The following HAPSTR1 variants were observed in gnomAD, a reference collection of about 807,000 sequenced individuals.
HAPSTR1 encodes the protein HUWE1-associated protein modifying stress responses 1.
chr16:9,100,047 C>T, the HAPSTR1 span, among the ~76,000 whole-genome samples: 2 of 152,098 alleles, frequency 1.3e-5, no homozygotes, highest in African/African-American at 4.8e-5. Flanking sequence ...CATTATGCCC[C>T]GGTGGAGCAA....
At chr16:9,107,525 G>T in the HAPSTR1 span, 2 of 152,224 alleles carry the variant, frequency 1.3e-5, no homozygotes, top group African/African-American at 4.8e-5. Flanking sequence ...CATCTTTCAT[G>T]AGACCATTGG....
the HAPSTR1 span, among the ~76,000 whole-genome samples, chr16:9,094,001 A>G: frequency 6.6e-6 from 1 of 152,228 alleles, no homozygotes; most frequent in Non-Finnish European, 1.5e-5. Flanking sequence ...TGCCATATAT[A>G]TTTAGGCCAT....
the HAPSTR1 span, chr16:9,104,019 A>G: frequency 2.0e-5 from 3 of 152,190 alleles, no homozygotes; most frequent in Non-Finnish European, 4.4e-5. Context: ...AAAAAAAGCA[A>G]CAGAATAATA....
At chr16:9,092,990 A>G in the HAPSTR1 span, 72 of 1,609,960 alleles carry the variant, frequency 4.5e-5, no homozygotes, top group Middle Eastern at 1.7e-4. Flanking sequence ...GCCGTCACCA[A>G]TCTCTACAAA....
the HAPSTR1 span, chr16:9,091,955 C>T: frequency 2.6e-6 from 3 of 1,165,464 alleles, no homozygotes; most frequent in East Asian, 3.2e-5. Flanking sequence ...GGCCCTGCCG[C>T]CGGGCCGCTT....
the HAPSTR1 span, chr16:9,117,063 A>C: frequency 5.4e-6 from 6 of 1,117,136 alleles, no homozygotes; most frequent in Non-Finnish European, 7.5e-6. Context: ...AGGAAGTTCT[A>C]GGTATTTATA....
the HAPSTR1 span, among the ~76,000 whole-genome samples, chr16:9,094,110 A>G: frequency 4.6e-5 from 7 of 152,182 alleles, no homozygotes; most frequent in Non-Finnish European, 8.8e-5. Context: ...GTAGGAAAAA[A>G]TATCTCCTTG....
chr16:9,117,843 C>T, the HAPSTR1 span: 1 of 152,448 alleles, frequency 6.6e-6, no homozygotes, highest in Non-Finnish European at 1.5e-5. Context: ...TCATGGAGTC[C>T]CTGCTTAGTG....
the HAPSTR1 span, among the ~76,000 whole-genome samples, chr16:9,092,524 C>G: frequency 6.6e-6 from 1 of 152,168 alleles, no homozygotes; most frequent in Admixed American, 6.5e-5. Flanking sequence ...TCCCCGCTCT[C>G]CGGGCCCGGC....
At chr16:9,104,646 C>G in the HAPSTR1 span, 29 of 152,130 alleles carry the variant, frequency 1.9e-4, no homozygotes, top group African/African-American at 6.8e-4. Context: ...ACATGAATTG[C>G]AGGAAAGTTC....
At chr16:9,098,330 T>TCACA in the HAPSTR1 span, among the ~76,000 whole-genome samples, 1 of 151,948 alleles carries the variant, frequency 6.6e-6, no homozygotes, top group East Asian at 1.9e-4. Flanking sequence ...CGAAAATCCA[T>TCACA]CACACACACA....
chr16:9,108,386 A>G, the HAPSTR1 span: 1 of 152,112 alleles, frequency 6.6e-6, no homozygotes, highest in African/African-American at 2.4e-5. Flanking sequence ...GAGTTTCGCC[A>G]TGTTGTCCAG....
chr16:9,094,421 A>T, the HAPSTR1 span, among the ~76,000 whole-genome samples: 19 of 152,088 alleles, frequency 1.2e-4, no homozygotes, highest in East Asian at 5.8e-4. Flanking sequence ...ATACTTAATT[A>T]AAAAAAAGGT....
At chr16:9,095,970 C>T in the HAPSTR1 span, among the ~76,000 whole-genome samples, 1 of 150,438 alleles carries the variant, frequency 6.6e-6, no homozygotes, top group East Asian at 1.9e-4. Context: ...TTTTTTGATT[C>T]CTGGAACTAA....
At chr16:9,100,188 ATC>A in the HAPSTR1 span, among the ~76,000 whole-genome samples, 5 of 152,214 alleles carry the variant, frequency 3.3e-5, no homozygotes, top group East Asian at 7.7e-4. Flanking sequence ...AGACTTGGTT[ATC>A]TCAGAATTTT....
At chr16:9,109,210 G>A in the HAPSTR1 span, 2 of 152,154 alleles carry the variant, frequency 1.3e-5, no homozygotes, top group Non-Finnish European at 2.9e-5. Context: ...ACTGGAGGGA[G>A]AGATTCAGAG....
At chr16:9,115,428 G>A in the HAPSTR1 span, among the ~76,000 whole-genome samples, 2 of 152,300 alleles carry the variant, frequency 1.3e-5, no homozygotes, top group South Asian at 4.1e-4. Context: ...TCCTAAGGCA[G>A]AAGATCACTG....
chr16:9,092,872 G>A, the HAPSTR1 span: 2 of 1,474,752 alleles, frequency 1.4e-6, no homozygotes, highest in Non-Finnish European at 9.3e-7. Context: ...CTTTCTATGT[G>A]TGTTTCTTTT....
chr16:9,100,354 C>T, the HAPSTR1 span, among the ~76,000 whole-genome samples: 1 of 152,106 alleles, frequency 6.6e-6, no homozygotes, highest in Non-Finnish European at 1.5e-5. Context: ...GCAGATCTGA[C>T]TGTTGGACTT....
Sources: gnomAD v4.1 joint callset for allele counts (sites outside exome capture counted in the v4.1 genomes callset) on GRCh38, gnomAD v4.1.1 for gene constraint, MANE v1.5 for transcripts, NCBI Gene and HGNC (gene_info 2026-07-23, HGNC 2026-07-21) for gene names.